Variants in NEXMIF observed in about 807,000 individuals in gnomAD.
The protein encoded by NEXMIF is XLMR protein related to neurite extension.
Under a neutral mutation model 62.1 loss-of-function variants are expected in NEXMIF, and 8 were observed. The observed-to-expected ratio is 0.13, with a 90% CI of 0.08 to 0.23. The LOEUF is 0.23. Among genes scored for constraint, NEXMIF ranks in the 10% least tolerant of loss-of-function variants. The probability of loss-of-function intolerance (pLI) is 1.00; values close to 1 mark genes in which losing one functional copy is unlikely to be tolerated. For missense variants in NEXMIF, 976 were observed against 1,113.3 expected, an observed-to-expected ratio of 0.88 and a Z score of 1.75; for synonymous variants, 404 against 416.6, an observed-to-expected ratio of 0.97 and a Z score of 0.37.
intron 1 of NEXMIF, chrX:74,769,716 A>T (rs1322974538): frequency 1.6e-6 from 1 of 643,100 alleles, no homozygotes; most frequent in African/African-American, 2.2e-5. Flanking sequence ...AATCTGCACC[A>T]TTTTCCACTG....
intron 1 of NEXMIF, among the ~76,000 whole-genome samples, chrX:74,760,703 A>G (rs996793310): frequency 9.0e-5 from 10 of 111,166 alleles, no homozygotes; most frequent in Non-Finnish European, 1.3e-4. Context: ...TGATTTGCAT[A>G]TGTTGAACCT....
intron 1 of NEXMIF, among the ~76,000 whole-genome samples, chrX:74,783,642 T>G (rs779126500): frequency 3.0e-4 from 34 of 111,768 alleles, no homozygotes; most frequent in African/African-American, 1.1e-3. Flanking sequence ...ATGAGCCAGC[T>G]CTAGCTTACA....
intron 1 of NEXMIF, among the ~76,000 whole-genome samples, chrX:74,849,021 C>T (rs2080504053): frequency 8.9e-6 from 1 of 111,984 alleles, no homozygotes; most frequent in East Asian, 2.8e-4. Context: ...GCCAGCCAGT[C>T]TGTGGTGATT....
At chrX:74,782,720 GTAACA>G in intron 1 of NEXMIF, among the ~76,000 whole-genome samples, 1 of 112,035 alleles carries the variant, frequency 8.9e-6, no homozygotes, top group East Asian at 2.8e-4. Context: ...ATTTCACTTA[GTAACA>G]TTATACTCAT....
intron 1 of NEXMIF, among the ~76,000 whole-genome samples, chrX:74,878,645 C>T (rs1182151745): frequency 2.7e-5 from 3 of 112,721 alleles, no homozygotes; most frequent in Non-Finnish European, 5.6e-5. Context: ...AGCGGGACTC[C>T]GTGGGCGTAG....
intron 1 of NEXMIF, among the ~76,000 whole-genome samples, chrX:74,869,208 T>C (rs990285816): frequency 8.9e-6 from 1 of 111,887 alleles, no homozygotes; most frequent in Non-Finnish European, 1.9e-5. Context: ...AGCAATAGAA[T>C]ACAGGACAAA....
At chrX:74,861,537 C>T (rs2080557625) in intron 1 of NEXMIF, among the ~76,000 whole-genome samples, 1 of 111,427 alleles carries the variant, frequency 9.0e-6, no homozygotes, top group South Asian at 3.8e-4. Flanking sequence ...CCCCAAGACA[C>T]ATAATCATCA....
intron 1 of NEXMIF, among the ~76,000 whole-genome samples, chrX:74,852,947 T>C (rs1356492797): frequency 3.6e-5 from 4 of 110,653 alleles, no homozygotes; most frequent in African/African-American, 1.3e-4. Context: ...ATAATAAAGA[T>C]CAGAGCAGAA....
At chrX:74,870,785 TG>T (rs1446320617) in intron 1 of NEXMIF, among the ~76,000 whole-genome samples, 1 of 111,747 alleles carries the variant, frequency 8.9e-6, no homozygotes, top group African/African-American at 3.3e-5. Context: ...CCAGTTAAAG[TG>T]GCTTTTATCT....
chrX:74,795,310 A>T (rs1180723491), intron 1 of NEXMIF, among the ~76,000 whole-genome samples: 1 of 112,432 alleles, frequency 8.9e-6, no homozygotes, highest in Non-Finnish European at 1.9e-5. Context: ...GAATGGATAA[A>T]CAAGTATTCT....
intron 1 of NEXMIF, among the ~76,000 whole-genome samples, chrX:74,828,670 T>C (rs2080426158): frequency 8.9e-6 from 1 of 112,248 alleles, no homozygotes; most frequent in Admixed American, 9.4e-5. Context: ...TTAGTGGTCT[T>C]CTTGCCTACC....
chrX:74,919,622 C>CT lies in NEXMIF; in HGVS notation c.-48+5260dup, dbSNP rs746262061. ...AATAAAATGAATTGCTACACCTGTT[C>CT]TTTTTTTTTATTATTATTATACTTT... On this transcript the variant is annotated intron_variant, in intron 1 of 3. Transcript: ENST00000055682. 6.8e-4 allele frequency among the ~76,000 whole-genome samples: 75 copies of CT among 109,903 alleles called. No individual in the cohort carries two copies. In the South Asian group the frequency reaches 7.8e-3, roughly 11 times the overall value.
chrX:74,753,354 A>T lies in NEXMIF; in HGVS notation c.-47-7657T>A, dbSNP rs1343030166. On this transcript the variant is annotated intron_variant, in intron 1 of 3. Transcript: ENST00000055682. ...TCCCAGAAAGGGGAAACTACTTGCCAGTGTTACATAGTGATTTGGTAACAC... is the reference window on the plus strand; with the variant it reads ...TCCCAGAAAGGGGAAACTACTTGCCTGTGTTACATAGTGATTTGGTAACAC... Among the ~76,000 whole-genome samples the T allele has an allele frequency of 6.3e-5, 7 of 111,868 alleles. No homozygotes were observed. In the Admixed American group the frequency reaches 6.7e-4, roughly 11 times the overall value.
At chrX:74,770,143 T>C (rs773666453) in intron 1 of NEXMIF, among the ~76,000 whole-genome samples, 1 of 112,339 alleles carries the variant, frequency 8.9e-6, no homozygotes, top group Non-Finnish European at 1.9e-5. Context: ...ATTTGGATGT[T>C]ACTTTGTATG....
At chrX:74,853,967 A>G (rs2080524965) in intron 1 of NEXMIF, among the ~76,000 whole-genome samples, 1 of 112,076 alleles carries the variant, frequency 8.9e-6, no homozygotes, top group Non-Finnish European at 1.9e-5. Flanking sequence ...AAAGCCCAGG[A>G]CCAGATGGCT....
rs770067542 is a variant in NEXMIF at position 74,742,030 on chromosome X, C to T, written c.2527G>A (p.Gly843Ser). ...GATTTTTCGGTTTGAGTGAGGCTGC[C>T]TTCATTTTGCTCTGGAGAATGGTGG... ...FSHHSPEQNE[G>S]SLTQTEKSFV... Residue 843 changes from glycine to serine, a missense_variant, in exon 3 of 4, where the codon GGC becomes AGC. Coordinates refer to ENST00000055682, the MANE Select transcript of NEXMIF (RefSeq NM_001008537.3). 1 of 1,211,765 alleles carries T rather than the reference C, an allele frequency of 8.3e-7. No homozygotes were observed. The highest frequency in any genetic ancestry group is 3.0e-5 in the East Asian group (1 of 33,838).
intron 1 of NEXMIF, among the ~76,000 whole-genome samples, chrX:74,791,955 T>G (rs948331043): frequency 3.4e-4 from 38 of 111,472 alleles, no homozygotes; most frequent in Middle Eastern, 4.6e-3. Context: ...TTTGAAGGGT[T>G]GTTTGTGTCT....
intron 1 of NEXMIF, among the ~76,000 whole-genome samples, chrX:74,919,853 C>T (rs957827319): frequency 9.1e-6 from 1 of 110,390 alleles, no homozygotes; most frequent in African/African-American, 3.3e-5. Flanking sequence ...TCAATTCCCA[C>T]CTATGAGTGA....
rs1447418208 is a variant in NEXMIF, at chrX:74,739,313, G to A, written c.*92C>T. ...TGAGATTAAAGTTTGCTCCAAAGAC[G>A]TATTCCCACAATTTAAAATTCTTTT... On this transcript the variant is annotated 3_prime_UTR_variant, in exon 4 of 4. Transcript: ENST00000055682. The A allele has an allele frequency of 7.0e-6, 4 of 571,565 alleles. No individual in the cohort carries two copies. Among genetic ancestry groups the A allele is most frequent in the Non-Finnish European group, 1.1e-5 (4 of 369,943 alleles). The allele number at this position is 571,565 out of a possible 1,213,427, so 47.1% of individuals were successfully genotyped here. A position where few individuals can be genotyped will look rare whatever the true frequency, so the allele number is the denominator to read the frequency against.
Sources: gnomAD v4.1 joint callset for allele counts (sites outside exome capture counted in the v4.1 genomes callset) on GRCh38, gnomAD v4.1.1 for gene constraint, MANE v1.5 for transcripts, NCBI Gene and HGNC (gene_info 2026-07-23, HGNC 2026-07-21) for gene names.